Variants in CDH13 observed in about 807,000 individuals in gnomAD.
CDH13 encodes the protein cadherin 13.
In CDH13, 24 loss-of-function variants were observed where a neutral mutation model predicts 63.8. The ratio of observed to expected loss-of-function variants is 0.38; its 90% CI spans 0.27 to 0.53. The LOEUF is 0.53. Among genes scored for constraint, CDH13 ranks in the 20% least tolerant of loss-of-function variants. The pLI is 0.85. For synonymous variants in CDH13, 503 were observed against 355.3 expected, an observed-to-expected ratio of 1.42 and a Z score of -4.67; for missense variants, 1,049 against 903.1, an observed-to-expected ratio of 1.16 and a Z score of -2.07.
rs1914762472 is a variant in CDH13 at position 83,016,052 on chromosome 16, G to T, written c.158-15958G>T. Among the ~76,000 whole-genome samples the T allele has an allele frequency of 2.0e-5, 3 of 152,034 alleles. No homozygotes were observed. The South Asian group carries it at 6.2e-4, about 32-fold the overall frequency. On this transcript the variant is annotated intron_variant, in intron 2 of 13. Transcript: ENST00000567109. ...AAAAATGAGATACCTTTAACAAGTGGCAAGGCACTCTTGGCAGGCATCCTT... is the reference window on the plus strand; with the variant it reads ...AAAAATGAGATACCTTTAACAAGTGTCAAGGCACTCTTGGCAGGCATCCTT...
intron 5 of CDH13, among the ~76,000 whole-genome samples, chr16:83,296,884 A>G (rs2089611647): frequency 6.6e-6 from 1 of 152,196 alleles, no homozygotes; most frequent in Non-Finnish European, 1.5e-5. Flanking sequence ...GCATGATGGA[A>G]CCCAGTTTCA....
intron 4 of CDH13, among the ~76,000 whole-genome samples, chr16:83,202,815 G>A (rs1047548117): frequency 1.3e-5 from 2 of 152,144 alleles, no homozygotes; most frequent in African/African-American, 4.8e-5. Context: ...TTAAATAAGT[G>A]CGTAAATATT....
At chr16:82,806,070 A>T (rs951605396) in intron 1 of CDH13, among the ~76,000 whole-genome samples, 2 of 152,158 alleles carry the variant, frequency 1.3e-5, no homozygotes, top group African/African-American at 2.4e-5. Context: ...TAGTGAACCC[A>T]TCTGGTCTTC....
At chr16:83,117,932 A>T (rs1449888019) in intron 3 of CDH13, among the ~76,000 whole-genome samples, 1 of 152,164 alleles carries the variant, frequency 6.6e-6, no homozygotes, top group Non-Finnish European at 1.5e-5. Flanking sequence ...ATGAGGTTTT[A>T]ACCTCAAATG....
intron 2 of CDH13, among the ~76,000 whole-genome samples, chr16:82,894,821 G>C (rs1318893509): frequency 2.0e-5 from 3 of 152,228 alleles, no homozygotes; most frequent in Non-Finnish European, 4.4e-5. Context: ...CAAGTGACGT[G>C]AATATGTGTG....
At chr16:83,205,566 A>T (rs1173340658) in intron 4 of CDH13, among the ~76,000 whole-genome samples, 1 of 151,536 alleles carries the variant, frequency 6.6e-6, no homozygotes, top group Non-Finnish European at 1.5e-5. Flanking sequence ...TTGAGGGGAG[A>T]TCATATGTTA....
intron 1 of CDH13, among the ~76,000 whole-genome samples, chr16:82,697,658 G>A (rs1235481381): frequency 1.3e-5 from 2 of 151,636 alleles, no homozygotes; most frequent in Admixed American, 6.6e-5. Flanking sequence ...TCAAACTCCT[G>A]ACCTCATGAT....
intron 7 of CDH13, among the ~76,000 whole-genome samples, chr16:83,570,072 C>T (rs1904431817): frequency 6.6e-6 from 1 of 152,122 alleles, no homozygotes; most frequent in South Asian, 2.1e-4. Context: ...CATCCATTCC[C>T]TTTCTCAGAC....
intron 11 of CDH13, among the ~76,000 whole-genome samples, chr16:83,757,492 C>T (rs948342114): frequency 2.6e-5 from 4 of 152,148 alleles, no homozygotes; most frequent in Admixed American, 6.6e-5. Flanking sequence ...GCAGGACAAT[C>T]GCTTGAACCC....
chr16:82,893,564 C>G (rs1403194665), intron 2 of CDH13, among the ~76,000 whole-genome samples: 1 of 152,204 alleles, frequency 6.6e-6, no homozygotes, highest in African/African-American at 2.4e-5. Flanking sequence ...AAATGGCTTT[C>G]TGTTTGGCAT....
At chr16:83,098,706 T>A (rs1425501950) in intron 3 of CDH13, among the ~76,000 whole-genome samples, 3 of 152,246 alleles carry the variant, frequency 2.0e-5, no homozygotes, top group African/African-American at 7.2e-5. Context: ...GCATTGTTGC[T>A]AACAAGACAT....
At chr16:83,612,984 C>T (rs572499799) in intron 8 of CDH13, among the ~76,000 whole-genome samples, 63 of 152,278 alleles carry the variant, frequency 4.1e-4, no homozygotes, top group Non-Finnish European at 6.8e-4. Flanking sequence ...TACTGCAAGT[C>T]TGCTGGTAAT....
chr16:83,254,615 T>C (rs1455090096), intron 5 of CDH13, among the ~76,000 whole-genome samples: 1 of 152,216 alleles, frequency 6.6e-6, no homozygotes. Flanking sequence ...TGCTTGTACT[T>C]CTGCCTTATT....
chr16:82,738,035 C>T (rs12103370), intron 1 of CDH13, among the ~76,000 whole-genome samples: 87,840 of 152,068 alleles, frequency 0.58, 26,100 homozygotes, highest in Non-Finnish European at 0.63. Context: ...GCAGTACTGT[C>T]AATTACAGGC....
In CDH13 at chr16:83,478,846, A is replaced by G. The variant is rs796829843; in HGVS notation, c.782-7631A>G. Among the ~76,000 whole-genome samples, 738 of 144,846 alleles carry G rather than the reference A, an allele frequency of 5.1e-3. 12 individuals are homozygous for G. Among genetic ancestry groups the G allele is most frequent in the African/African-American group, 0.02 (696 of 35,624 alleles). On this transcript the variant is annotated intron_variant, in intron 6 of 13. Transcript: ENST00000567109. ...GTCTTTTGAAGATGAGAAAAAAAAA[A>G]AAAAAAAGAAAAAAAGAAAAAGCTG...
intron 1 of CDH13, among the ~76,000 whole-genome samples, chr16:82,731,406 A>G (rs1366705995): frequency 6.6e-6 from 1 of 152,248 alleles, no homozygotes; most frequent in Admixed American, 6.5e-5. Context: ...GATAGAGAAA[A>G]CATAAAGAAT....
intron 1 of CDH13, among the ~76,000 whole-genome samples, chr16:82,692,086 A>T (rs558267604): frequency 6.6e-6 from 1 of 152,236 alleles, no homozygotes; most frequent in African/African-American, 2.4e-5. Context: ...CTGTGGCTTC[A>T]TTAGAAAAGT....
chr16:83,165,333 G>A (rs779161620), intron 4 of CDH13, among the ~76,000 whole-genome samples: 2 of 151,980 alleles, frequency 1.3e-5, no homozygotes, highest in African/African-American at 4.8e-5. Context: ...AAAATGCACA[G>A]TAGATGATAG....
At chr16:83,213,071 G>A (rs1208219533) in intron 4 of CDH13, among the ~76,000 whole-genome samples, 1 of 152,184 alleles carries the variant, frequency 6.6e-6, no homozygotes, top group African/African-American at 2.4e-5. Context: ...ACATCCTTAA[G>A]AACATAAAAA....
Sources: gnomAD v4.1 joint callset for allele counts (sites outside exome capture counted in the v4.1 genomes callset) on GRCh38, gnomAD v4.1.1 for gene constraint, MANE v1.5 for transcripts, NCBI Gene and HGNC (gene_info 2026-07-23, HGNC 2026-07-21) for gene names.